The following PCDH15 variants were observed in gnomAD, a reference collection of about 807,000 sequenced individuals.
PCDH15 encodes the protein protocadherin-15.
A neutral mutation model predicts 178.5 loss-of-function variants in PCDH15; 129 were observed. That is an observed-to-expected ratio of 0.72 (90% confidence interval 0.63 to 0.84). PCDH15 has a LOEUF of 0.84. Ranked by LOEUF, PCDH15 falls within the 40% of genes least tolerant of loss-of-function variation. The pLI, the probability that PCDH15 is intolerant of heterozygous loss-of-function variation, is 0.00. For synonymous variants in PCDH15, 800 were observed against 732.0 expected (o/e 1.09, Z -1.50); for missense variants, 2,230 against 2,099.9 (o/e 1.06, Z -1.21).
chr10:54,414,276 G>C (rs1029913324), intron 3 of PCDH15, among the ~76,000 whole-genome samples: 9 of 152,142 alleles, frequency 5.9e-5, no homozygotes, highest in East Asian at 5.8e-4. Context: ...TTACAAACGT[G>C]TTCATTTACT....
intron 9 of PCDH15, among the ~76,000 whole-genome samples, chr10:54,232,860 A>G (rs917292391): frequency 7.4e-5 from 11 of 148,282 alleles, no homozygotes; most frequent in Non-Finnish European, 1.6e-4. Context: ...TGATTTCCTA[A>G]TCCCTCTTTT....
At chr10:54,146,869 A>T (rs1229569179) in intron 14 of PCDH15, among the ~76,000 whole-genome samples, 1 of 138,604 alleles carries the variant, frequency 7.2e-6, no homozygotes, top group East Asian at 2.0e-4. Flanking sequence ...TGTAAAAAAA[A>T]TCACTATATA....
chr10:53,806,584 GT>G lies in PCDH15; in HGVS notation c.5217del (p.Lys1739AsnfsTer12), dbSNP rs1841176966. 5 of 1,593,120 alleles carry G rather than the reference GT, an allele frequency of 3.1e-6. No individual in the cohort carries two copies. The highest frequency in any genetic ancestry group is 3.4e-6 in the Non-Finnish European group (4 of 1,167,952). On this transcript the variant is annotated frameshift_variant, in exon 38 of 38. Transcript: ENST00000644397. LOFTEE classifies it high-confidence loss of function. ...PWNNLHIPMT[K>X]L ...AATATCTTTTAAAAAATTGGTCACA[GT>G]TTTGTCATTGGTATATGGAGGTTGT...
chr10:54,183,192 A>G (rs1243522942), intron 13 of PCDH15, among the ~76,000 whole-genome samples: 1 of 152,192 alleles, frequency 6.6e-6, no homozygotes, highest in African/African-American at 2.4e-5. Flanking sequence ...GCTGGTCTCG[A>G]ACTCCCGACC....
In PCDH15 at chr10:54,369,256, G is replaced by A. The variant is rs781034121; in HGVS notation, c.338C>T (p.Ser113Phe). 3.7e-6 allele frequency: 6 copies of A among 1,612,670 alleles called. No homozygotes were observed. Among genetic ancestry groups the A allele is most frequent in the East Asian group, 2.2e-5 (1 of 44,826 alleles). ...GATGCACTGGACCTGCACCACAATG[G>A]AGTGTATGTTCATCGGTGGCTGCAA... ...LDRDPPMNIH[S>F]IVVQVQCINK... The change falls in exon 5 of 38, where the codon TCC becomes TTC. Residue 113 changes from serine to phenylalanine, a missense_variant. Coordinates refer to ENST00000644397, the MANE Select transcript of PCDH15 (RefSeq NM_001384140.1).
At chr10:54,674,903 T>C (rs2094754110) in intron 1 of PCDH15, among the ~76,000 whole-genome samples, 1 of 152,090 alleles carries the variant, frequency 6.6e-6, no homozygotes, top group Admixed American at 6.5e-5. Context: ...ATTAGTTGGT[T>C]CTTTATGTTT....
intron 3 of PCDH15, among the ~76,000 whole-genome samples, chr10:54,387,198 C>T (rs1480494906): frequency 1.3e-5 from 2 of 151,940 alleles, no homozygotes; most frequent in African/African-American, 4.8e-5. Flanking sequence ...ACAGTATTAC[C>T]ACGTGATTCA....
intron 2 of PCDH15, among the ~76,000 whole-genome samples, chr10:55,589,814 C>T (rs964097483): frequency 1.0e-4 from 15 of 150,578 alleles, no homozygotes; most frequent in South Asian, 4.3e-4. Flanking sequence ...CAGGAAACAA[C>T]AGGTGCTGGA....
At chr10:55,018,279 G>T (rs186104991) in intron 2 of PCDH15, among the ~76,000 whole-genome samples, 31 of 152,108 alleles carry the variant, frequency 2.0e-4, no homozygotes, top group African/African-American at 7.5e-4. Flanking sequence ...AAAGAGCGGG[G>T]ATTGATTCTA....
chr10:55,555,452 T>A (rs1277566842), intron 2 of PCDH15, among the ~76,000 whole-genome samples: 3 of 152,132 alleles, frequency 2.0e-5, no homozygotes, highest in Non-Finnish European at 4.4e-5. Context: ...CATTTAATCC[T>A]GCATTTATAC....
intron 21 of PCDH15, among the ~76,000 whole-genome samples, chr10:53,980,029 G>A (rs1469686183): frequency 6.6e-6 from 1 of 152,098 alleles, no homozygotes; most frequent in Non-Finnish European, 1.5e-5. Context: ...GACCAGCCTG[G>A]CCAACATGGT....
intron 2 of PCDH15, among the ~76,000 whole-genome samples, chr10:55,000,552 T>C (rs571365392): frequency 1.3e-5 from 2 of 152,156 alleles, no homozygotes; most frequent in Non-Finnish European, 2.9e-5. Flanking sequence ...TACGTCCTCC[T>C]CAGCTTATGA....
chr10:54,151,386 T>C (rs1466404090), intron 14 of PCDH15, among the ~76,000 whole-genome samples: 1 of 151,920 alleles, frequency 6.6e-6, no homozygotes, highest in Non-Finnish European at 1.5e-5. Flanking sequence ...ACAAATTTGT[T>C]TTTAATTAGC....
At chr10:55,418,428 C>T (rs902439174) in intron 2 of PCDH15, among the ~76,000 whole-genome samples, 1 of 151,610 alleles carries the variant, frequency 6.6e-6, no homozygotes. Flanking sequence ...AAAATAATGT[C>T]TAAAACGTGG....
rs115376714 is a variant in PCDH15, at chr10:54,062,376, A to G, written c.2220+4381T>C. Among the ~76,000 whole-genome samples the G allele has an allele frequency of 8.4e-3, 1,282 of 152,118 alleles. 18 individuals carry two copies. The highest frequency in any genetic ancestry group is 0.029 in the African/African-American group (1,222 of 41,502). On this transcript the variant is annotated intron_variant, in intron 18 of 37. Transcript: ENST00000644397. Reference sequence around the variant, plus strand: ...CTCAAATTCAGTATAGTAATTAACAATATGTATCTTGGTTTTAAGTCTTAA... The same window carrying G: ...CTCAAATTCAGTATAGTAATTAACAGTATGTATCTTGGTTTTAAGTCTTAA...
chr10:53,995,265 T>C (rs979630539), intron 21 of PCDH15: 3 of 194,300 alleles, frequency 1.5e-5, no homozygotes, highest in Non-Finnish European at 3.2e-5. Flanking sequence ...ATAAGTTTCA[T>C]GTGATATGTT....
At chr10:55,192,735 C>A (rs201442408) in intron 1 of PCDH15, among the ~76,000 whole-genome samples, 11,726 of 150,470 alleles carry the variant, frequency 0.078, 510 homozygotes, top group Middle Eastern at 0.11. Context: ...CTCTCTCTCT[C>A]TCTCTCTATA....
chr10:54,379,945 C>G (rs560486757), intron 3 of PCDH15, among the ~76,000 whole-genome samples: 4 of 151,968 alleles, frequency 2.6e-5, no homozygotes, highest in Non-Finnish European at 4.4e-5. Flanking sequence ...TCCATAAATA[C>G]GAATCTGGCT....
At chr10:55,343,534 TC>T (rs1844661255) in intron 2 of PCDH15, among the ~76,000 whole-genome samples, 1 of 152,032 alleles carries the variant, frequency 6.6e-6, no homozygotes, top group Non-Finnish European at 1.5e-5. Flanking sequence ...ATCATAATCT[TC>T]CTTTTCCCCC....
Sources: allele counts gnomAD v4.1 joint callset (sites outside exome capture counted in the v4.1 genomes callset), GRCh38; gene constraint gnomAD v4.1.1; transcripts MANE v1.5; gene names NCBI Gene and HGNC (gene_info 2026-07-23, HGNC 2026-07-21).